The following LLGL1 variants were observed in gnomAD, a reference collection of about 807,000 sequenced individuals.
LLGL1 encodes lethal(2) giant larvae protein homolog 1.
In LLGL1, 58 loss-of-function variants were observed where a neutral mutation model predicts 110.6. The ratio of observed to expected loss-of-function variants is 0.52; its 90% CI spans 0.42 to 0.65. The LOEUF (loss-of-function observed/expected upper bound fraction) is 0.65, where lower values mean the gene tolerates loss of function less well. Ranked by LOEUF, LLGL1 falls within the 30% of genes least tolerant of loss-of-function variation. The probability of loss-of-function intolerance (pLI) is 0.00; values close to 1 mark genes in which losing one functional copy is unlikely to be tolerated. For missense variants in LLGL1, 1,229 were observed against 1,462.1 expected (o/e 0.84, Z 2.60); for synonymous variants, 674 against 607.2 (o/e 1.11, Z -1.62).
intron 7 of LLGL1, 91 bp downstream of exon 7, chr17:18,234,499 G>T: frequency 6.3e-7 from 1 of 1,582,896 alleles, no homozygotes; most frequent in Non-Finnish European, 8.6e-7. Context: ...ACTTCCCCGA[G>T]GGGGTGGTCT....
At chr17:18,243,527 C>A (rs2047902208) in intron 22 of LLGL1, among the ~76,000 whole-genome samples, 1 of 152,234 alleles carries the variant, frequency 6.6e-6, no homozygotes, top group South Asian at 2.1e-4. Context: ...ATCGGTTGGG[C>A]CCAGCAAGTG....
chr17:18,226,771 C>G (rs371731784), intron 1 of LLGL1, among the ~76,000 whole-genome samples: 1 of 152,374 alleles, frequency 6.6e-6, no homozygotes, highest in East Asian at 1.9e-4. Flanking sequence ...CCCCGCCTCC[C>G]TCTGCACTGA....
Position 18,225,707 on chromosome 17 carries a change from C to T in LLGL1, c.25C>T (p.Gln9Ter). 3 of 1,050,590 alleles carry T rather than the reference C, an allele frequency of 2.9e-6. No individual in the cohort carries two copies. Among genetic ancestry groups the T allele is most frequent in the East Asian group, 9.0e-5 (1 of 11,080 alleles). 65.1% of individuals were successfully genotyped at this position (1,050,590 alleles called of 1,614,324 possible). MMKFRFRR[Q>*]GADPQREKLK... Reference sequence around the variant, plus strand: ...GATGATGAAGTTTCGGTTCCGGCGGCAGGGCGCCGACCCGCAGCGCGAGAA... The same window carrying T: ...GATGATGAAGTTTCGGTTCCGGCGGTAGGGCGCCGACCCGCAGCGCGAGAA... The change falls in exon 1 of 23, where the codon CAG becomes TAG. Residue 9 changes from glutamine (Q) to a stop codon, truncating the protein, a stop_gained. Coordinates refer to ENST00000316843, the MANE Select transcript of LLGL1 (RefSeq NM_004140.4). LOFTEE classifies it high-confidence loss of function.
intron 22 of LLGL1, 102 bp from the exon 23 acceptor site, chr17:18,243,803 AGAG>A (rs1731232950): frequency 6.6e-6 from 1 of 152,322 alleles, no homozygotes; most frequent in African/African-American, 2.4e-5. Flanking sequence ...CCTGCCCTGC[AGAG>A]GAGACAGTGG....
chr17:18,242,288 G>T lies in LLGL1; in HGVS notation c.2995+10G>T, dbSNP rs111368230. The stretch of plus-strand genomic sequence containing the variant: ...CACAGCATGGGACCTGGTGAGGGGG[G>T]CATGAAAGGGGTCCAGACCCTGGCC... On this transcript the variant is annotated intron_variant, in intron 20 of 22. Coordinates refer to ENST00000316843, the MANE Select transcript of LLGL1 (RefSeq NM_004140.4). The T allele has an allele frequency of 1.6e-5, 26 of 1,607,878 alleles. No individual in the cohort carries two copies. Among genetic ancestry groups the T allele is most frequent in the African/African-American group, 1.1e-4 (8 of 74,894 alleles).
At chr17:18,234,727 G>A (rs377078954) in intron 8 of LLGL1, 24 bp downstream of exon 8, 19 of 1,613,966 alleles carry the variant, frequency 1.2e-5, no homozygotes, top group Middle Eastern at 1.6e-4. Flanking sequence ...GTGGGTGTCC[G>A]ATGTGAGTTG....
chr17:18,226,999 G>T, intron 1 of LLGL1, among the ~76,000 whole-genome samples: 1 of 152,368 alleles, frequency 6.6e-6, no homozygotes, highest in South Asian at 2.1e-4. Context: ...TTGAGTTCTT[G>T]TGTCAGTGGG....
At position 18,240,532 on chromosome 17, in the gene LLGL1, T is replaced by G; in HGVS notation, c.2207-46T>G. ...GTCTGTGGGAAGACCCCAGGGGAGATGCCTGGCCCACAGGGAGCACCCTCC... is the reference window on the plus strand; with the variant it reads ...GTCTGTGGGAAGACCCCAGGGGAGAGGCCTGGCCCACAGGGAGCACCCTCC... On this transcript the variant is annotated intron_variant, in intron 16 of 22. Coordinates refer to ENST00000316843, the MANE Select transcript of LLGL1 (RefSeq NM_004140.4). The surrounding 1 kb of genome is among the most constrained non-coding windows in gnomAD (Gnocchi z 5.3). 1 of 1,538,344 alleles carries G rather than the reference T, an allele frequency of 6.5e-7. No homozygotes were observed. The highest frequency in any genetic ancestry group is 8.8e-7 in the Non-Finnish European group (1 of 1,140,448).
intron 4 of LLGL1, among the ~76,000 whole-genome samples, chr17:18,233,269 T>C (rs1453717574): frequency 2.0e-5 from 3 of 152,134 alleles, no homozygotes; most frequent in African/African-American, 4.8e-5. Flanking sequence ...GGTAAGGCGC[T>C]GGCAGCATGC....
intron 1 of LLGL1, 32 bp downstream of exon 1, chr17:18,225,795 G>C: frequency 1.1e-6 from 1 of 946,352 alleles, no homozygotes; most frequent in Non-Finnish European, 1.3e-6. Flanking sequence ...GGGCTCGGGC[G>C]GGAGGGGGCG....
rs150963270 is a variant in LLGL1, at chr17:18,238,500, C to G, written c.2097C>G (p.His699Gln). 44 of 1,612,388 alleles carry G rather than the reference C, an allele frequency of 2.7e-5. No homozygotes were observed. In the African/African-American group the frequency reaches 5.5e-4, roughly 20 times the overall value. Reference sequence around the variant, plus strand: ...AGCTGGCTGAGCAGGCCTGCCCCCACGACGTGGAGATGACGCCCGTGCAGC... The same window carrying G: ...AGCTGGCTGAGCAGGCCTGCCCCCAGGACGTGGAGATGACGCCCGTGCAGC... ...NAQLAEQACP[H>Q]DVEMTPVQRR... Residue 699 changes from histidine to glutamine, a missense_variant, in exon 16 of 23, where the codon CAC (histidine) becomes CAG (glutamine). By Grantham distance (24) the His-to-Gln change is conservative (BLOSUM62 0). Transcript: ENST00000316843.
chr17:18,233,370 G>C (rs538608167), intron 4 of LLGL1, among the ~76,000 whole-genome samples: 2 of 152,282 alleles, frequency 1.3e-5, no homozygotes, highest in South Asian at 2.1e-4. Context: ...ATGGATTCCT[G>C]ATGCCTCCCA....
At chr17:18,232,651 T>C (rs893748082) in intron 3 of LLGL1, 21 bp from the exon 4 acceptor site, 14 of 1,614,040 alleles carry the variant, frequency 8.7e-6, no homozygotes, top group East Asian at 6.7e-5. Flanking sequence ...AGCCTAGTTT[T>C]CATCTCTGCT....
chr17:18,230,029 C>T lies in LLGL1; in HGVS notation c.170C>T (p.Ala57Val). The T allele has an allele frequency of 2.5e-6, 4 of 1,610,414 alleles. No homozygotes were observed. Among genetic ancestry groups the T allele is most frequent in the Non-Finnish European group, 3.4e-6 (4 of 1,179,226 alleles). Reference protein sequence around the residue: ...RIMAIGTRSGAVKIYGAPGVE... With the variant: ...RIMAIGTRSGVVKIYGAPGVE... ...ATGGCCATCGGCACCAGGTCTGGGG[C>T]TGTCAAGATGTATCCTTTGCAGGAC... Residue 57 changes from alanine to valine, a missense_variant, in exon 2 of 23, where the codon GCT (alanine) becomes GTT (valine). By Grantham distance (64) the Ala-to-Val change is moderately conservative. Coordinates refer to ENST00000316843, the MANE Select transcript of LLGL1 (RefSeq NM_004140.4).
Position 18,236,776 on chromosome 17 carries a change from G to C in LLGL1, c.1506+16G>C. On this transcript the variant is annotated intron_variant, in intron 12 of 22. Coordinates refer to ENST00000316843, the MANE Select transcript of LLGL1 (RefSeq NM_004140.4). ...CTTCCGCAAGGTGGGCCCCTCCCCT[G>C]GCCCTGATGAGCTGGTCCTGACCCC... is the stretch of plus-strand genomic sequence containing the variant. 2 of 1,612,630 alleles carry C rather than the reference G, an allele frequency of 1.2e-6. No individual in the cohort carries two copies. Among genetic ancestry groups the C allele is most frequent in the South Asian group, 2.2e-5 (2 of 91,036 alleles).
chr17:18,234,549 G>A, intron 7 of LLGL1, 100 bp from the exon 8 acceptor site: 1 of 1,579,796 alleles, frequency 6.3e-7, no homozygotes, highest in African/African-American at 1.3e-5. Context: ...GGGGAGGCAG[G>A]AGGCAGCTGT....
In LLGL1 at chr17:18,232,755, A is replaced by G; in HGVS notation, c.345A>G (p.Glu115=). The change falls in exon 4 of 23, where the codon GAA becomes GAG. Residue 115 remains glutamate (E), a synonymous_variant. Coordinates refer to ENST00000316843, the MANE Select transcript of LLGL1 (RefSeq NM_004140.4). ...VHHNGCAHLE[E]ALSFQLPSRP... ...ATAATGGCTGTGCCCACCTGGAAGAAGCACTCAGTTTCCAGCTGCCCAGCC... is the reference window on the plus strand; with the variant it reads ...ATAATGGCTGTGCCCACCTGGAAGAGGCACTCAGTTTCCAGCTGCCCAGCC... 3.1e-6 allele frequency: 5 copies of G among 1,614,072 alleles called. No homozygotes were observed. The highest frequency in any genetic ancestry group is 4.2e-6 in the Non-Finnish European group (5 of 1,180,026).
In LLGL1 at chr17:18,240,322, T is replaced by C. The variant is rs1172543750; in HGVS notation, c.2207-256T>C. ...GCATTCTGTGCAGATGCGCTACAGC[T>C]GTTCGGGCCTCTGCAGGAGGGCTGC... On this transcript the variant is annotated intron_variant, in intron 16 of 22. Transcript: ENST00000316843. This position sits in a 1 kb window ranked among gnomAD's most constrained non-coding sequence, Gnocchi z 5.3. 1.3e-5 allele frequency among the ~76,000 whole-genome samples: 2 copies of C among 152,102 alleles called. No individual in the cohort carries two copies. The highest frequency in any genetic ancestry group is 4.8e-5 in the African/African-American group (2 of 41,408).
At chr17:18,238,950 G>A (rs2047759548) in intron 16 of LLGL1, among the ~76,000 whole-genome samples, 2 of 152,184 alleles carry the variant, frequency 1.3e-5, no homozygotes, top group African/African-American at 4.8e-5. Context: ...GGCGGAGGTT[G>A]CAGTGAGCCG....
Sources: allele counts gnomAD v4.1 joint callset (sites outside exome capture counted in the v4.1 genomes callset), GRCh38; gene constraint gnomAD v4.1.1; non-coding constraint Gnocchi (gnomAD v3.1); transcripts MANE v1.5; gene names NCBI Gene and HGNC (gene_info 2026-07-23, HGNC 2026-07-21).